The following GPHN variants were observed in gnomAD, a reference collection of about 807,000 sequenced individuals.
The protein encoded by GPHN is gephyrin.
A neutral mutation model predicts 95.5 loss-of-function variants in GPHN; 17 were observed. The observed-to-expected ratio is 0.18, with a 90% CI of 0.12 to 0.27. The LOEUF is 0.27. Ranked by LOEUF, GPHN falls within the 10% of genes least tolerant of loss-of-function variation. GPHN has a pLI of 1.00. For synonymous variants in GPHN, 320 were observed against 322.5 expected (o/e 0.99, Z 0.08); for missense variants, 660 against 978.1 (o/e 0.67, Z 4.34).
chr14:66,915,421 G>A (rs2065854941), intron 5 of GPHN, among the ~76,000 whole-genome samples: 1 of 152,012 alleles, frequency 6.6e-6, no homozygotes, highest in South Asian at 2.1e-4. Flanking sequence ...TAACCAGTTA[G>A]TTTAAATGTA....
chr14:67,208,187 T>C, the GPHN span: 1 of 1,612,544 alleles, frequency 6.2e-7, no homozygotes, highest in African/African-American at 1.3e-5. Flanking sequence ...TTGCTGCTGC[T>C]TTTTATTTTT....
At chr14:67,678,325 T>C in the GPHN span, 1 of 1,605,768 alleles carries the variant, frequency 6.2e-7, no homozygotes, top group Non-Finnish European at 8.5e-7. Context: ...TGCCTGTTAG[T>C]CTATTGGGAG....
At chr14:67,218,934 C>G in the GPHN span, among the ~76,000 whole-genome samples, 1 of 151,946 alleles carries the variant, frequency 6.6e-6, no homozygotes, top group Non-Finnish European at 1.5e-5. Context: ...GATCCTGGCC[C>G]AGGTTCTGCA....
rs72717331 is a variant in GPHN, at chr14:67,178,637, G to A, written c.2080-941G>A. Among the ~76,000 whole-genome samples, 746 of 152,266 alleles carry A rather than the reference G, an allele frequency of 4.9e-3. 2 individuals are homozygous for A. The highest frequency in any genetic ancestry group is 0.014 in the Middle Eastern group (4 of 294). On this transcript the variant is annotated intron_variant, in intron 21 of 22. Coordinates refer to ENST00000478722, the MANE Select transcript of GPHN (RefSeq NM_020806.5). ...TTATCATCAGAGTCCAGAAGAAGAA[G>A]AGAAGGGAAAGAGGATAGGAAATTT...
chr14:66,778,870 G>C (rs7145226), intron 3 of GPHN, among the ~76,000 whole-genome samples: 5 of 150,380 alleles, frequency 3.3e-5, no homozygotes, highest in Admixed American at 3.3e-4. Context: ...CGAGTAGCTT[G>C]GATTATAGGC....
At chr14:66,644,481 A>G (rs1374547995) in intron 1 of GPHN, among the ~76,000 whole-genome samples, 1 of 152,082 alleles carries the variant, frequency 6.6e-6, no homozygotes, top group Non-Finnish European at 1.5e-5. Flanking sequence ...TTTTAAGGGT[A>G]TTTATCACAA....
chr14:67,198,930 C>T, the GPHN span: 1 of 699,914 alleles, frequency 1.4e-6, no homozygotes, highest in Non-Finnish European at 2.6e-6. Context: ...AAGTCTAACA[C>T]TAAACACTGA....
At chr14:67,329,273 CTCTT>C in the GPHN span, among the ~76,000 whole-genome samples, 256 of 152,262 alleles carry the variant, frequency 1.7e-3, no homozygotes, top group African/African-American at 5.6e-3. Context: ...ATTTGGCTCT[CTCTT>C]TGTCTGTTAT....
intron 9 of GPHN, among the ~76,000 whole-genome samples, chr14:66,999,966 T>G (rs921896001): frequency 6.6e-6 from 1 of 151,844 alleles, no homozygotes; most frequent in Non-Finnish European, 1.5e-5. Flanking sequence ...CAGCCTTATC[T>G]TTAATGTCTT....
rs1386142467 is a variant in GPHN, at chr14:66,987,162, G to C, written c.963+21837G>C. On this transcript the variant is annotated intron_variant, in intron 9 of 22. Transcript: ENST00000478722. ...GTTTGTGTATCCTGATGATATATCA[G>C]TAGCATTCCTCACTGTCTATCTGTG... 1.3e-5 allele frequency among the ~76,000 whole-genome samples: 2 copies of C among 152,256 alleles called. 1 individual carries two copies. Among genetic ancestry groups the C allele is most frequent in the South Asian group, 4.1e-4 (2 of 4,824 alleles).
intron 8 of GPHN, among the ~76,000 whole-genome samples, chr14:66,962,353 T>C (rs2069013984): frequency 6.6e-6 from 1 of 151,418 alleles, no homozygotes; most frequent in African/African-American, 2.4e-5. Flanking sequence ...TTTTTTAAGA[T>C]TGGGGCAAAG....
At chr14:67,334,431 T>C in the GPHN span, 1 of 152,638 alleles carries the variant, frequency 6.6e-6, no homozygotes, top group African/African-American at 2.4e-5. Context: ...GCATTTCCTA[T>C]ACCCAGAGCT....
intron 9 of GPHN, among the ~76,000 whole-genome samples, chr14:67,001,233 A>G (rs1020426574): frequency 6.6e-6 from 1 of 151,620 alleles, no homozygotes; most frequent in African/African-American, 2.4e-5. Flanking sequence ...CCAGCTTTGT[A>G]TATACACAGA....
intron 2 of GPHN, among the ~76,000 whole-genome samples, chr14:66,744,342 C>G (rs537781605): frequency 6.6e-6 from 1 of 152,292 alleles, no homozygotes; most frequent in African/African-American, 2.4e-5. Flanking sequence ...CCAATTCACT[C>G]CAAGATTTAA....
chr14:67,199,633 T>C, the GPHN span: 24,587 of 1,580,998 alleles, frequency 0.016, 226 homozygotes, highest in Non-Finnish European at 0.018. Context: ...GCTTAGCAGC[T>C]GGACGACTTC....
chr14:66,908,525 A>T (rs2065499329), intron 5 of GPHN, among the ~76,000 whole-genome samples: 1 of 152,132 alleles, frequency 6.6e-6, no homozygotes, highest in Non-Finnish European at 1.5e-5. Flanking sequence ...CAAATAATTT[A>T]TATAGATGCT....
At chr14:67,223,732 T>C in the GPHN span, 1 of 983,542 alleles carries the variant, frequency 1.0e-6, no homozygotes, top group Non-Finnish European at 1.2e-6. Flanking sequence ...TCCCATGTTT[T>C]CCCACTTTTT....
At chr14:66,950,548 C>G (rs948535625) in intron 8 of GPHN, among the ~76,000 whole-genome samples, 1 of 152,182 alleles carries the variant, frequency 6.6e-6, no homozygotes, top group Non-Finnish European at 1.5e-5. Flanking sequence ...TTGTAATTCT[C>G]AGTTAGTGGC....
intron 10 of GPHN, among the ~76,000 whole-genome samples, chr14:67,054,886 T>A (rs1046335609): frequency 6.6e-6 from 1 of 152,194 alleles, no homozygotes. Flanking sequence ...GAGAACTGGC[T>A]AGCCATATGC....
Sources: gnomAD v4.1 joint callset for allele counts (sites outside exome capture counted in the v4.1 genomes callset) on GRCh38, gnomAD v4.1.1 for gene constraint, MANE v1.5 for transcripts, NCBI Gene and HGNC (gene_info 2026-07-23, HGNC 2026-07-21) for gene names.